Variants in SNX29 observed in about 807,000 individuals in gnomAD.
SNX29 encodes the protein sorting nexin-29.
SNX29 carries 78 observed loss-of-function variants against 102.1 expected under a neutral mutation model. That is an observed-to-expected ratio of 0.76 (90% CI 0.64 to 0.92). SNX29 has a LOEUF of 0.92. Among genes scored for constraint, SNX29 ranks in the 40% least tolerant of loss-of-function variants. SNX29 has a pLI of 0.00. For synonymous variants in SNX29, 580 were observed against 414.5 expected, an observed-to-expected ratio of 1.40 and a Z score of -4.85; for missense variants, 1,280 against 1,061.7, an observed-to-expected ratio of 1.21 and a Z score of -2.86.
At chr16:12,558,264 A>C (rs1459338910) in intron 20 of SNX29, among the ~76,000 whole-genome samples, 3 of 152,082 alleles carry the variant, frequency 2.0e-5, no homozygotes, top group Non-Finnish European at 2.9e-5. Context: ...AGGTCTTCTG[A>C]AATGTCAGGC....
chr16:12,434,585 C>T (rs1044121900), intron 18 of SNX29, among the ~76,000 whole-genome samples: 1 of 152,118 alleles, frequency 6.6e-6, no homozygotes, highest in Non-Finnish European at 1.5e-5. Context: ...CCTTGTGTAC[C>T]CTGCAACCCC....
At chr16:12,419,527 G>A (rs949650415) in intron 18 of SNX29, among the ~76,000 whole-genome samples, 3 of 151,464 alleles carry the variant, frequency 2.0e-5, no homozygotes, top group Admixed American at 2.0e-4. Context: ...CAAGGGTACA[G>A]CTTGAATTTT....
At chr16:12,473,160 T>G (rs757148860) in intron 18 of SNX29, among the ~76,000 whole-genome samples, 1 of 152,198 alleles carries the variant, frequency 6.6e-6, no homozygotes, top group Non-Finnish European at 1.5e-5. Context: ...TCTGAAATCC[T>G]TAGTGAAATA....
chr16:12,307,017 C>T (rs960648317), intron 15 of SNX29, among the ~76,000 whole-genome samples: 1 of 151,984 alleles, frequency 6.6e-6, no homozygotes, highest in African/African-American at 2.4e-5. Flanking sequence ...GGAGTAGATG[C>T]TTAGTATGGG....
intron 3 of SNX29, among the ~76,000 whole-genome samples, chr16:12,023,651 G>A (rs1261390360): frequency 1.3e-5 from 2 of 151,904 alleles, no homozygotes; most frequent in Non-Finnish European, 2.9e-5. Context: ...CATTTCGTGG[G>A]AATTATCATC....
At chr16:12,397,196 A>C (rs561112894) in intron 16 of SNX29, among the ~76,000 whole-genome samples, 164 of 152,254 alleles carry the variant, frequency 1.1e-3, no homozygotes, top group Non-Finnish European at 1.5e-3. Flanking sequence ...CCCAGTCTCC[A>C]CTGTTGATTT....
At chr16:12,085,860 G>T (rs982125718) in intron 11 of SNX29, among the ~76,000 whole-genome samples, 1 of 152,082 alleles carries the variant, frequency 6.6e-6, no homozygotes, top group African/African-American at 2.4e-5. Flanking sequence ...GGCTTAGGAG[G>T]GTAAGTACCT....
intron 11 of SNX29, among the ~76,000 whole-genome samples, chr16:12,107,223 T>C (rs367559251): frequency 1.8e-3 from 279 of 152,230 alleles, no homozygotes; most frequent in African/African-American, 5.9e-3. Flanking sequence ...AGTGGTCACC[T>C]GGCCAGCCAA....
intron 11 of SNX29, among the ~76,000 whole-genome samples, chr16:12,104,544 A>G (rs28656360): frequency 0.29 from 44,655 of 151,680 alleles, 8,673 homozygotes; most frequent in African/African-American, 0.55. Flanking sequence ...TGACAGAGCG[A>G]GACTCCATCT....
intron 14 of SNX29, among the ~76,000 whole-genome samples, chr16:12,237,941 G>C (rs2077986967): frequency 6.6e-6 from 1 of 152,154 alleles, no homozygotes; most frequent in Non-Finnish European, 1.5e-5. Flanking sequence ...GATGGGGCCT[G>C]AGGTGGGGTC....
chr16:12,475,631 C>T (rs2087556496), intron 18 of SNX29, among the ~76,000 whole-genome samples: 1 of 152,214 alleles, frequency 6.6e-6, no homozygotes, highest in South Asian at 2.1e-4. Context: ...CACTTACATT[C>T]ACCTATAGTT....
chr16:12,386,346 C>T (rs1232815921), intron 16 of SNX29, among the ~76,000 whole-genome samples: 1 of 152,166 alleles, frequency 6.6e-6, no homozygotes, highest in Non-Finnish European at 1.5e-5. Context: ...CTCATTGAAT[C>T]CTTACAACAA....
At chr16:12,079,353 G>A (rs2051747962) in intron 11 of SNX29, among the ~76,000 whole-genome samples, 2 of 152,194 alleles carry the variant, frequency 1.3e-5, no homozygotes, top group Admixed American at 1.3e-4. Context: ...AAAAGTATTA[G>A]AGATATAGCA....
At chr16:12,432,873 G>C (rs1326235893) in intron 18 of SNX29, among the ~76,000 whole-genome samples, 1 of 152,260 alleles carries the variant, frequency 6.6e-6, no homozygotes, top group East Asian at 1.9e-4. Context: ...GCCAGGGGCA[G>C]AAGACTTTCT....
chr16:12,156,107 G>A (rs183745166), intron 13 of SNX29, among the ~76,000 whole-genome samples: 14 of 152,304 alleles, frequency 9.2e-5, no homozygotes, highest in African/African-American at 2.6e-4. Context: ...TGGCTCTAAC[G>A]TTTCTCTCTA....
At chr16:12,339,370 CAAAAAAAA>C (rs58148692) in intron 15 of SNX29, among the ~76,000 whole-genome samples, 6 of 56,280 alleles carry the variant, frequency 1.1e-4, no homozygotes, top group African/African-American at 4.8e-4. Flanking sequence ...GATTCTGTCT[CAAAAAAAA>C]AAAAAAAAAA....
chr16:12,456,860 G>A (rs1482348918), intron 18 of SNX29, among the ~76,000 whole-genome samples: 1 of 152,132 alleles, frequency 6.6e-6, no homozygotes, highest in African/African-American at 2.4e-5. Context: ...GTTGATGGGA[G>A]CTGCTCAGGA....
intron 10 of SNX29, among the ~76,000 whole-genome samples, chr16:12,075,607 G>T (rs181331627): frequency 1.4e-3 from 219 of 152,356 alleles, no homozygotes; most frequent in Non-Finnish European, 2.6e-3. Context: ...CTGCTCAGGG[G>T]TCAGGGGTCA....
intron 13 of SNX29, among the ~76,000 whole-genome samples, chr16:12,156,277 G>T: frequency 6.6e-6 from 1 of 152,174 alleles, no homozygotes; most frequent in Non-Finnish European, 1.5e-5. Flanking sequence ...AGATTCAAGC[G>T]ATTCTCCTGC....
Sources: gnomAD v4.1 joint callset for allele counts (sites outside exome capture counted in the v4.1 genomes callset) on GRCh38, gnomAD v4.1.1 for gene constraint, MANE v1.5 for transcripts, NCBI Gene and HGNC (gene_info 2026-07-23, HGNC 2026-07-21) for gene names.